POLR1A: variants seen among roughly 807,000 people sequenced by gnomAD.
POLR1A encodes the protein DNA-directed RNA polymerase I subunit RPA1.
In POLR1A, 84 loss-of-function variants were observed where a neutral mutation model predicts 205.3. That is an observed-to-expected ratio of 0.41 (90% confidence interval 0.34 to 0.49). POLR1A has a LOEUF of 0.49. POLR1A is among the 20% of genes least tolerant of loss of function. The probability of loss-of-function intolerance (pLI) is 0.22; values close to 1 mark genes in which losing one functional copy is unlikely to be tolerated. For synonymous variants in POLR1A, 799 were observed against 863.7 expected (o/e 0.93, Z 1.31); for missense variants, 1,645 against 2,204.5 (o/e 0.75, Z 5.08).
In POLR1A at chr2:86,028,789, GCT is replaced by G; in HGVS notation, c.4780-80_4780-79del. ...TCTGCCTGCGTATCTCCCCCTGGCC[GCT>G]CTCTCTCTCCTTGTGTCTGGCAGCT... is the stretch of plus-strand genomic sequence containing the variant. On this transcript the variant is annotated intron_variant, in intron 31 of 33. Transcript: ENST00000263857. The surrounding 1 kb of genome is among the most constrained non-coding windows in gnomAD (Gnocchi z 4.5). 8.9e-6 allele frequency: 9 copies of G among 1,016,096 alleles called. No homozygotes were observed. Among genetic ancestry groups the G allele is most frequent in the Non-Finnish European group, 1.1e-5 (7 of 653,806 alleles). The allele number at this position is 1,016,096 out of a possible 1,614,324, so 62.9% of individuals were successfully genotyped here. A position where few individuals can be genotyped will look rare whatever the true frequency, so the allele number is the denominator to read the frequency against.
intron 30 of POLR1A, among the ~76,000 whole-genome samples, chr2:86,031,009 C>T (rs1002371334): frequency 2.0e-5 from 3 of 152,188 alleles, no homozygotes; most frequent in African/African-American, 7.2e-5. Flanking sequence ...CCTAAAGGGC[C>T]TGGTAGATCA....
chr2:86,094,544 G>A (rs1039988713), intron 3 of POLR1A, among the ~76,000 whole-genome samples: 2 of 152,288 alleles, frequency 1.3e-5, no homozygotes, highest in East Asian at 1.9e-4. Flanking sequence ...GTGGAGAATG[G>A]TATTTAGAAA....
chr2:86,095,900 T>C (rs1673693948), intron 3 of POLR1A, among the ~76,000 whole-genome samples: 1 of 152,246 alleles, frequency 6.6e-6, no homozygotes, highest in East Asian at 1.9e-4. Flanking sequence ...GCTAATTTTT[T>C]TGTATTTTTA....
intron 14 of POLR1A, among the ~76,000 whole-genome samples, chr2:86,061,667 C>T (rs1259475536): frequency 6.6e-6 from 1 of 152,136 alleles, no homozygotes; most frequent in Non-Finnish European, 1.5e-5. Flanking sequence ...TACATGATGG[C>T]ATATTCACAT....
intron 3 of POLR1A, among the ~76,000 whole-genome samples, chr2:86,091,710 A>G (rs1404385856): frequency 6.6e-6 from 1 of 152,256 alleles, no homozygotes; most frequent in Non-Finnish European, 1.5e-5. Context: ...CATGTAACTT[A>G]CTGTGAGCGC....
intron 3 of POLR1A, among the ~76,000 whole-genome samples, chr2:86,097,504 A>G (rs1673727180): frequency 6.6e-6 from 1 of 152,212 alleles, no homozygotes. Flanking sequence ...ATGTCCAACA[A>G]TAGATAAAGG....
At chr2:86,077,822 C>T (rs1419806904) in intron 11 of POLR1A, 37 bp downstream of exon 11, 1 of 235,548 alleles carries the variant, frequency 4.2e-6, no homozygotes, top group South Asian at 8.0e-5. Flanking sequence ...CACACACACA[C>T]ACACACACAC....
intron 3 of POLR1A, among the ~76,000 whole-genome samples, chr2:86,097,041 G>A (rs1249444009): frequency 6.6e-6 from 1 of 151,264 alleles, no homozygotes; most frequent in Non-Finnish European, 1.5e-5. Flanking sequence ...CAAACAATTC[G>A]ATTAAAAAAT....
intron 1 of POLR1A, among the ~76,000 whole-genome samples, chr2:86,105,008 G>A (rs1465751051): frequency 6.6e-6 from 1 of 152,190 alleles, no homozygotes; most frequent in African/African-American, 2.4e-5. Flanking sequence ...GTAAAATGAG[G>A]TACAGACCTT....
At position 86,043,211 on chromosome 2, in the gene POLR1A, A is replaced by G. The variant is rs975305886; in HGVS notation, c.3136-16T>C. On this transcript the variant is annotated splice_polypyrimidine_tract_variant and intron_variant, in intron 22 of 33. Transcript: ENST00000263857. ...TCATTATCACCTAAACAAACAAACAAAAAAACAAACAAACAAATCACACAC... is the reference window on the plus strand; with the variant it reads ...TCATTATCACCTAAACAAACAAACAGAAAAACAAACAAACAAATCACACAC... 1.3e-6 allele frequency: 2 copies of G among 1,590,842 alleles called. No homozygotes were observed. The highest frequency in any genetic ancestry group is 1.3e-5 in the African/African-American group (1 of 74,368).
At chr2:86,039,656 C>T (rs1057375789) in intron 25 of POLR1A, among the ~76,000 whole-genome samples, 194 bp from the exon 26 acceptor site, 2 of 152,212 alleles carry the variant, frequency 1.3e-5, no homozygotes, top group African/African-American at 4.8e-5. Flanking sequence ...CTGTCAGTTT[C>T]CTCCCTGGAG....
At chr2:86,090,647 A>G (rs554318660) in intron 3 of POLR1A, among the ~76,000 whole-genome samples, 1 of 152,342 alleles carries the variant, frequency 6.6e-6, no homozygotes, top group Admixed American at 6.5e-5. Context: ...CTGAAGCAGG[A>G]CATCACTTGG....
At chr2:86,083,296 A>G in intron 6 of POLR1A, 128 bp from the exon 7 acceptor site, 2 of 688,386 alleles carry the variant, frequency 2.9e-6, no homozygotes, top group Non-Finnish European at 5.3e-6. Flanking sequence ...AGGGTAGCAT[A>G]TTATCAGGCC....
intron 6 of POLR1A, among the ~76,000 whole-genome samples, chr2:86,086,145 G>A (rs547920010): frequency 4.0e-5 from 6 of 151,870 alleles, no homozygotes; most frequent in South Asian, 2.1e-4. Context: ...TGCAACCTCC[G>A]CCTCCTGGGT....
At chr2:86,038,278 C>G (rs1489447538) in intron 27 of POLR1A, among the ~76,000 whole-genome samples, 1 of 152,238 alleles carries the variant, frequency 6.6e-6, no homozygotes, top group Non-Finnish European at 1.5e-5. Flanking sequence ...TTCACAGAAT[C>G]TAAATGCATC....
intron 7 of POLR1A, 141 bp downstream of exon 7, chr2:86,082,941 G>A (rs1673432178): frequency 3.2e-6 from 2 of 629,730 alleles, no homozygotes; most frequent in Non-Finnish European, 5.6e-6. Context: ...GTGCCCTGAA[G>A]ACTGCCCCAA....
intron 13 of POLR1A, among the ~76,000 whole-genome samples, chr2:86,069,740 CACAA>C (rs1673143538): frequency 1.3e-5 from 2 of 152,330 alleles, no homozygotes; most frequent in South Asian, 4.1e-4. Context: ...AAGTGCTGAA[CACAA>C]GACCTATCAC....
intron 14 of POLR1A, among the ~76,000 whole-genome samples, chr2:86,062,397 G>A (rs1478512206): frequency 6.6e-6 from 1 of 151,742 alleles, no homozygotes; most frequent in Non-Finnish European, 1.5e-5. Context: ...ATCAACAATC[G>A]AGATATTTGG....
intron 25 of POLR1A, among the ~76,000 whole-genome samples, chr2:86,039,713 C>T (rs923592056): frequency 1.3e-5 from 2 of 152,228 alleles, no homozygotes; most frequent in African/African-American, 4.8e-5. Flanking sequence ...TGTTTCCTAT[C>T]ACCTGTGCCT....
Sources: allele counts gnomAD v4.1 joint callset (sites outside exome capture counted in the v4.1 genomes callset), GRCh38; gene constraint gnomAD v4.1.1; non-coding constraint Gnocchi (gnomAD v3.1); transcripts MANE v1.5; gene names NCBI Gene and HGNC (gene_info 2026-07-23, HGNC 2026-07-21).